Variants in USP16 observed in about 807,000 individuals in gnomAD.
USP16 encodes ubiquitin carboxyl-terminal hydrolase 16.
In USP16, 77 loss-of-function variants were observed where a neutral mutation model predicts 95.9. The observed-to-expected ratio is 0.80, with a 90% CI of 0.67 to 0.97. The LOEUF (loss-of-function observed/expected upper bound fraction) is 0.97. Among genes scored for constraint, USP16 ranks in the 50% least tolerant of loss-of-function variants. The probability of loss-of-function intolerance (pLI) is 0.00; values close to 1 mark genes in which losing one functional copy is unlikely to be tolerated. For synonymous variants in USP16, 303 were observed against 318.2 expected (o/e 0.95, Z 0.51); for missense variants, 943 against 959.9 (o/e 0.98, Z 0.23).
chr21:29,043,552 A>G lies in USP16; in HGVS notation c.1309A>G (p.Lys437Glu). The G allele has an allele frequency of 6.3e-7, 1 of 1,581,656 alleles. No individual in the cohort carries two copies. The highest frequency in any genetic ancestry group is 8.6e-7 in the Non-Finnish European group (1 of 1,169,310). The change falls in exon 13 of 18, where the codon AAG (lysine) becomes GAG (glutamate). Residue 437 changes from lysine to glutamate, a missense_variant. Coordinates refer to ENST00000399976, the MANE Select transcript of USP16 (RefSeq NM_006447.3). ...ERSDIPSGTS[K>E]HLQKKAKKQA... is the part of the protein sequence containing the mutation. ...AAGTGATATTCCTTCTGGAACAAGT[A>G]AGCACTTACAGAAAAAAGCAAAGAA... is the stretch of plus-strand genomic sequence containing the variant.
At chr21:29,025,166 C>G (rs958653402) in intron 1 of USP16, among the ~76,000 whole-genome samples, 1 of 152,162 alleles carries the variant, frequency 6.6e-6, no homozygotes, top group African/African-American at 2.4e-5. Flanking sequence ...CAGGATCTGT[C>G]ACTTATCCAA....
chr21:29,039,059 C>T lies in USP16; in HGVS notation c.766C>T (p.Pro256Ser). 1.3e-6 allele frequency: 2 copies of T among 1,580,772 alleles called. No individual in the cohort carries two copies. Among genetic ancestry groups the T allele is most frequent in the Non-Finnish European group, 1.7e-6 (2 of 1,161,948 alleles). ...PLEINLEPPG[P>S]LTLAMSQFLN... ...AGAAATAAACCTTGAGCCTCCAGGC[C>T]CTCTTACTTTAGCCATGAGCCAGTT... Residue 256 changes from proline (P) to serine (S), a missense_variant, in exon 8 of 18, where the codon CCT becomes TCT. By Grantham distance (74) the Pro-to-Ser change is moderately conservative. Transcript: ENST00000399976.
chr21:29,041,822 G>A (rs943280277), intron 10 of USP16, among the ~76,000 whole-genome samples, 191 bp from the exon 11 acceptor site: 3 of 152,108 alleles, frequency 2.0e-5, no homozygotes, highest in Non-Finnish European at 4.4e-5. Flanking sequence ...ATTATGTTAT[G>A]CTCAGAGGTG....
intron 3 of USP16, among the ~76,000 whole-genome samples, chr21:29,032,981 T>C (rs1337866409): frequency 2.0e-5 from 3 of 152,234 alleles, no homozygotes; most frequent in Non-Finnish European, 4.4e-5. Context: ...TCATGATAGT[T>C]ATATACTGAT....
At chr21:29,028,347 G>C (rs1224106902) in intron 2 of USP16, among the ~76,000 whole-genome samples, 1 of 150,166 alleles carries the variant, frequency 6.7e-6, no homozygotes, top group Admixed American at 6.7e-5. Flanking sequence ...GGCTGGTCTT[G>C]AACTCCTGGC....
chr21:29,049,962 T>C (rs1170379934), intron 15 of USP16, 130 bp from the exon 16 acceptor site: 1 of 767,940 alleles, frequency 1.3e-6, no homozygotes, highest in Non-Finnish European at 2.0e-6. Context: ...CAGGAAGAAT[T>C]GAGTCTCCAA....
At position 29,053,893 on chromosome 21, in the gene USP16, A is replaced by G. The variant is rs2085454772; in HGVS notation, c.2285A>G (p.Tyr762Cys). ...GTMRSGHYTA[Y>C]AKARTANSHL... ...ATGAGGTCGGGGCATTACACTGCCT[A>G]TGCCAAGGCAAGAACCGCAAATAGT... Residue 762 changes from tyrosine (Y) to cysteine (C), a missense_variant, in exon 17 of 18, where the codon TAT becomes TGT. Tyr to Cys is a radical substitution (Grantham distance 194). Transcript: ENST00000399976. The G allele has an allele frequency of 1.1e-5, 17 of 1,614,138 alleles. No homozygotes were observed. The highest frequency in any genetic ancestry group is 3.3e-5 in the Admixed American group (2 of 60,014).
chr21:29,049,088 G>A (rs192528972), intron 15 of USP16, among the ~76,000 whole-genome samples: 2 of 152,142 alleles, frequency 1.3e-5, no homozygotes, highest in Admixed American at 1.3e-4. Context: ...CCTCTTTTTA[G>A]TACGATTGGC....
intron 1 of USP16, among the ~76,000 whole-genome samples, chr21:29,025,420 C>T (rs2084972474): frequency 6.6e-6 from 1 of 152,230 alleles, no homozygotes; most frequent in African/African-American, 2.4e-5. Context: ...TCCGATGACA[C>T]TACTTGAAAA....
At chr21:29,032,574 C>T (rs2085093528) in intron 3 of USP16, among the ~76,000 whole-genome samples, 1 of 152,226 alleles carries the variant, frequency 6.6e-6, no homozygotes, top group African/African-American at 2.4e-5. Context: ...AAAGATTTAT[C>T]AAAGCTGTGT....
chr21:29,050,068 C>T (rs1432033074), intron 15 of USP16, 24 bp from the exon 16 acceptor site: 1 of 1,592,536 alleles, frequency 6.3e-7, no homozygotes, highest in Non-Finnish European at 8.5e-7. Flanking sequence ...GAAAAGAAGT[C>T]AATCTGTTAT....
intron 1 of USP16, chr21:29,026,418 TGCACTCCGGCCTGGGCGACAGA>T (rs2084988076): frequency 7.6e-6 from 1 of 132,028 alleles, no homozygotes; most frequent in South Asian, 2.5e-4. Context: ...ATCGGGCCAC[TGCACTCCGGCCTGGGCGACAGA>T]GCAAGACTCC....
At chr21:29,035,402 A>C (rs2085139270) in intron 4 of USP16, among the ~76,000 whole-genome samples, 1 of 150,664 alleles carries the variant, frequency 6.6e-6, no homozygotes. Flanking sequence ...TTGAGACGGA[A>C]TCTTTCTGTC....
chr21:29,033,756 TA>T (rs1422691922), intron 3 of USP16, among the ~76,000 whole-genome samples: 1 of 152,196 alleles, frequency 6.6e-6, no homozygotes, highest in African/African-American at 2.4e-5. Flanking sequence ...TAGTACAAGG[TA>T]AAAAATAAGG....
intron 2 of USP16, among the ~76,000 whole-genome samples, chr21:29,030,022 G>C (rs1181080317): frequency 6.6e-6 from 1 of 151,888 alleles, no homozygotes; most frequent in African/African-American, 2.4e-5. Context: ...TATCTTCTAG[G>C]ATTGCACAGA....
Position 29,043,477 on chromosome 21 carries a change from G to T in USP16, c.1234G>T (p.Asp412Tyr), listed in dbSNP as rs1365017419. The T allele has an allele frequency of 6.3e-7, 1 of 1,588,424 alleles. No homozygotes were observed. The highest frequency in any genetic ancestry group is 8.5e-7 in the Non-Finnish European group (1 of 1,169,756). ...KNLKKTVEDE[D>Y]QDSEEEKDND... ...TCTGAAAAAGACAGTGGAGGATGAA[G>T]ATCAAGATAGTGAGGAAGAAAAAGA... Residue 412 changes from aspartate to tyrosine, a missense_variant, in exon 13 of 18, where the codon GAT (aspartate) becomes TAT (tyrosine). Transcript: ENST00000399976.
intron 9 of USP16, among the ~76,000 whole-genome samples, chr21:29,040,316 C>T (rs945954070): frequency 1.3e-5 from 2 of 152,148 alleles, no homozygotes; most frequent in African/African-American, 4.8e-5. Context: ...GCTTGTAGGA[C>T]AAGCTATTTC....
intron 15 of USP16, 70 bp downstream of exon 15, chr21:29,048,925 T>G (rs2085372253): frequency 1.3e-5 from 15 of 1,131,174 alleles, no homozygotes. Flanking sequence ...TTTTCATTAC[T>G]GTCTCAACAT....
chr21:29,025,651 T>C, intron 1 of USP16: 3 of 591,440 alleles, frequency 5.1e-6, no homozygotes, highest in Non-Finnish European at 6.4e-6. Flanking sequence ...TTACTAGTGC[T>C]GTCTTCACTA....
Sources: allele counts gnomAD v4.1 joint callset (sites outside exome capture counted in the v4.1 genomes callset), GRCh38; gene constraint gnomAD v4.1.1; transcripts MANE v1.5; gene names NCBI Gene and HGNC (gene_info 2026-07-23, HGNC 2026-07-21).